Variants in MALRD1 observed in about 807,000 individuals in gnomAD.
MALRD1 encodes MAM and LDL receptor class A domain containing 1.
A neutral mutation model predicts 242.1 loss-of-function variants in MALRD1; 247 were observed. The ratio of observed to expected loss-of-function variants is 1.02; its 90% confidence interval spans 0.92 to 1.13. The LOEUF (loss-of-function observed/expected upper bound fraction) is 1.13, where lower values mean the gene tolerates loss of function less well. Among genes scored for constraint, MALRD1 ranks in the 50% most tolerant of loss-of-function variants. The pLI, the probability that MALRD1 is intolerant of heterozygous loss-of-function variation, is 0.00. For missense variants in MALRD1, 2,989 were observed against 2,533.1 expected, an observed-to-expected ratio of 1.18 and a Z score of -3.86; for synonymous variants, 995 against 866.6, an observed-to-expected ratio of 1.15 and a Z score of -2.60.
intron 5 of MALRD1, 52 bp from the exon 6 acceptor site, chr10:19,123,440 T>C (rs1304024343): frequency 3.0e-5 from 31 of 1,044,114 alleles, no homozygotes; most frequent in Admixed American, 4.3e-5. Context: ...AATACTTGAG[T>C]CTTTCCAGTT....
intron 1 of MALRD1, among the ~76,000 whole-genome samples, chr10:19,055,148 T>C (rs541789369): frequency 1.8e-4 from 28 of 152,292 alleles, no homozygotes; most frequent in African/African-American, 6.5e-4. Context: ...TTCCTAAGAT[T>C]AGTAATACTG....
At position 19,303,083 on chromosome 10, in the gene MALRD1, A is replaced by G. The variant is rs571555526; in HGVS notation, c.3419+19902A>G. 2.8e-4 allele frequency among the ~76,000 whole-genome samples: 42 copies of G among 151,716 alleles called. 1 individual carries two copies. The highest frequency in any genetic ancestry group is 9.2e-4 in the African/African-American group (38 of 41,496). On this transcript the variant is annotated intron_variant, in intron 21 of 39. Transcript: ENST00000454679. ...CTAAATACGCAATTGAAAGACAAAG[A>G]TAGACTGGATGAAAAGTTATACATA... is the stretch of plus-strand genomic sequence containing the variant.
intron 36 of MALRD1, among the ~76,000 whole-genome samples, chr10:19,685,370 A>G (rs2131805120): frequency 6.6e-6 from 1 of 152,322 alleles, no homozygotes; most frequent in South Asian, 2.1e-4. Flanking sequence ...TATCTGGTAG[A>G]GTATCTTGTA....
intron 21 of MALRD1, among the ~76,000 whole-genome samples, chr10:19,322,371 T>C (rs1326834953): frequency 1.3e-5 from 2 of 152,134 alleles, no homozygotes; most frequent in Non-Finnish European, 2.9e-5. Context: ...AACTCATAAC[T>C]CTGTGGTTTG....
At chr10:19,474,097 G>A (rs749154987) in intron 29 of MALRD1, among the ~76,000 whole-genome samples, 9 of 128,106 alleles carry the variant, frequency 7.0e-5, no homozygotes, top group Non-Finnish European at 9.7e-5. Flanking sequence ...GTTGAACATC[G>A]TTTCATGTGC....
At chr10:19,088,219 A>G in intron 4 of MALRD1, 34 bp downstream of exon 4, 5 of 1,229,806 alleles carry the variant, frequency 4.1e-6, no homozygotes, top group Non-Finnish European at 5.1e-6. Flanking sequence ...TATGGCCTTG[A>G]AGAAAAATAA....
intron 26 of MALRD1, among the ~76,000 whole-genome samples, chr10:19,386,957 G>T (rs1050995883): frequency 6.6e-6 from 1 of 152,202 alleles, no homozygotes; most frequent in African/African-American, 2.4e-5. Flanking sequence ...CAGAAAAATT[G>T]CTTCTAAAAG....
intron 29 of MALRD1, among the ~76,000 whole-genome samples, chr10:19,454,333 A>G (rs1835503167): frequency 6.7e-6 from 1 of 149,068 alleles, no homozygotes; most frequent in Non-Finnish European, 1.5e-5. Flanking sequence ...GTCAACAGAT[A>G]TTCCCTGGAA....
At chr10:19,677,251 A>G (rs757643611) in intron 36 of MALRD1, among the ~76,000 whole-genome samples, 1 of 152,304 alleles carries the variant, frequency 6.6e-6, no homozygotes, top group Middle Eastern at 3.4e-3. Flanking sequence ...ACTGTCTTCC[A>G]TAATGGTTGA....
At chr10:19,483,510 A>G (rs1338651236) in intron 29 of MALRD1, among the ~76,000 whole-genome samples, 1 of 152,194 alleles carries the variant, frequency 6.6e-6, no homozygotes, top group Non-Finnish European at 1.5e-5. Context: ...TCTCAAAAGA[A>G]GACATACATA....
chr10:19,315,898 T>C (rs1842685927), intron 21 of MALRD1, among the ~76,000 whole-genome samples: 1 of 149,004 alleles, frequency 6.7e-6, no homozygotes. Flanking sequence ...ACTAAAATGG[T>C]ACAATTTTAC....
At position 19,128,346 on chromosome 10, in the gene MALRD1, A is replaced by G. The variant is rs900685167; in HGVS notation, c.1069A>G (p.Met357Val). The change falls in exon 8 of 40, where the codon ATG becomes GTG. Residue 357 changes from methionine (M) to valine (V), a missense_variant. Met to Val is a conservative substitution (Grantham distance 21). Coordinates refer to ENST00000454679, the MANE Select transcript of MALRD1 (RefSeq NM_001142308.3). ...CTGTCATCTTCAATTCTATTATGCA[A>G]TGGAAAGCAGTGTCCTGAGAGTAAG... Reference protein sequence around the residue: ...KSCHLQFYYAMESSVLRVRLY... With the variant: ...KSCHLQFYYAVESSVLRVRLY... The G allele has an allele frequency of 1.5e-5, 19 of 1,233,208 alleles. No homozygotes were observed. The Admixed American group carries it at 1.7e-4, about 11-fold the overall frequency. The allele number at this position is 1,233,208 out of a possible 1,614,324, so 76.4% of individuals were successfully genotyped here. A position where few individuals can be genotyped will look rare whatever the true frequency, so the allele number is the denominator to read the frequency against.
At chr10:19,170,590 G>A (rs867805838) in intron 13 of MALRD1, among the ~76,000 whole-genome samples, 24 of 152,024 alleles carry the variant, frequency 1.6e-4, no homozygotes, top group Non-Finnish European at 2.9e-4. Context: ...TCGAGTCTCC[G>A]TAAAGTTGCT....
chr10:19,125,322 CTTCTTTCT>C (rs1200202607), intron 7 of MALRD1, among the ~76,000 whole-genome samples: 1,107 of 63,292 alleles, frequency 0.017, 25 homozygotes, highest in Admixed American at 0.034. Context: ...TCCTTCCTTC[CTTCTTTCT>C]TTCTTTCTTT....
chr10:19,548,486 G>A (rs1469553344), intron 32 of MALRD1, among the ~76,000 whole-genome samples: 2 of 152,046 alleles, frequency 1.3e-5, no homozygotes, highest in African/African-American at 4.8e-5. Context: ...AGTAAAAGTA[G>A]ATCTTTGGCA....
intron 23 of MALRD1, among the ~76,000 whole-genome samples, chr10:19,329,259 A>G (rs1013963446): frequency 9.9e-5 from 15 of 152,182 alleles, no homozygotes; most frequent in African/African-American, 1.7e-4. Context: ...GTGGTTAGTT[A>G]GGCACACTCT....
chr10:19,209,417 C>T lies in MALRD1; in HGVS notation c.2728C>T (p.His910Tyr), dbSNP rs1317086307. 1.9e-6 allele frequency: 3 copies of T among 1,550,910 alleles called. No homozygotes were observed. Among genetic ancestry groups the T allele is most frequent in the African/African-American group, 2.7e-5 (2 of 73,044 alleles). Residue 910 changes from histidine (H) to tyrosine (Y), a missense_variant, in exon 18 of 40, where the codon CAC becomes TAC. Transcript: ENST00000454679. Reference sequence around the variant, plus strand: ...TAACACTCTGGGCACAGCTAAAGGACACTATCTCTACATAGAATCTTCAGA... The same window carrying T: ...TAACACTCTGGGCACAGCTAAAGGATACTATCTCTACATAGAATCTTCAGA... ...KDNTLGTAKG[H>Y]YLYIESSEPQ...
intron 28 of MALRD1, among the ~76,000 whole-genome samples, chr10:19,399,385 T>A (rs1846728385): frequency 6.6e-6 from 1 of 152,208 alleles, no homozygotes; most frequent in Non-Finnish European, 1.5e-5. Flanking sequence ...TGATAGTAAC[T>A]GTTTGTAGAA....
intron 26 of MALRD1, 53 bp from the exon 27 acceptor site, chr10:19,387,475 C>A: frequency 1.3e-6 from 2 of 1,510,482 alleles, no homozygotes; most frequent in South Asian, 2.6e-5. Context: ...TTTGACCTCA[C>A]TGAATGTGTT....
Sources: allele counts gnomAD v4.1 joint callset (sites outside exome capture counted in the v4.1 genomes callset), GRCh38; gene constraint gnomAD v4.1.1; transcripts MANE v1.5; gene names NCBI Gene and HGNC (gene_info 2026-07-23, HGNC 2026-07-21).